ASPHD1: variants seen among roughly 807,000 people sequenced by gnomAD.
ASPHD1 encodes the protein aspartate beta-hydroxylase domain containing 1, also known as aspartate beta-hydroxylase domain-containing protein 1.
Under a neutral mutation model 28.3 loss-of-function variants are expected in ASPHD1, and 20 were observed. The ratio of observed to expected loss-of-function variants is 0.71; its 90% CI spans 0.50 to 1.03. The LOEUF (loss-of-function observed/expected upper bound fraction) is 1.03, where lower values mean the gene tolerates loss of function less well. Among genes scored for constraint, ASPHD1 ranks in the 50% least tolerant of loss-of-function variants. The pLI is 0.00. For synonymous variants in ASPHD1, 240 were observed against 221.2 expected (o/e 1.08, Z -0.75); for missense variants, 479 against 524.1 (o/e 0.91, Z 0.84).
chr16:29,901,334 A>G lies in ASPHD1; in HGVS notation c.363A>G (p.Gly121=). 6.2e-7 allele frequency: 1 copy of G among 1,606,228 alleles called. No homozygotes were observed. The highest frequency in any genetic ancestry group is 1.1e-5 in the South Asian group (1 of 90,572). Reference sequence around the variant, plus strand: ...GGGGTGTTCGTGGTGGGCCTGTGGGATGCTCGGAGGCCGGCGGGCCAAGCC... The same window carrying G: ...GGGGTGTTCGTGGTGGGCCTGTGGGGTGCTCGGAGGCCGGCGGGCCAAGCC... ...RAGGVRGGPV[G]CSEAGGPSPG... is the part of the protein sequence containing the mutation. Residue 121 remains glycine (G), a synonymous_variant, in exon 1 of 3, where the codon GGA becomes GGG. Transcript: ENST00000308748. The surrounding 1 kb of genome is among the most constrained non-coding windows in gnomAD (Gnocchi z 5.1).
intron 3 of ASPHD1, chr16:29,911,705 C>T (rs1192480068): frequency 2.8e-5 from 33 of 1,179,502 alleles, no homozygotes; most frequent in Admixed American, 2.0e-4. Context: ...TGCGAGCAGG[C>T]ACAGATGTTC....
In ASPHD1 at chr16:29,901,364, G is replaced by C; in HGVS notation, c.393G>C (p.Gly131=). 2.5e-6 allele frequency: 4 copies of C among 1,594,972 alleles called. No homozygotes were observed. The highest frequency in any genetic ancestry group is 1.7e-4 in the Middle Eastern group (1 of 5,922). The change falls in exon 1 of 3, where the codon GGG becomes GGC. Residue 131 remains glycine (G), a synonymous_variant. Transcript: ENST00000308748. The surrounding 1 kb of genome is among the most constrained non-coding windows in gnomAD (Gnocchi z 5.1). ...GCSEAGGPSP[G]GPGDPGEGPR... is the part of the protein sequence containing the mutation. The stretch of plus-strand genomic sequence containing the variant: ...CGGAGGCCGGCGGGCCAAGCCCAGG[G>C]GGTCCTGGGGATCCCGGGGAAGGAC...
Position 29,901,674 on chromosome 16 carries a change from AC to A in ASPHD1, c.707del (p.Pro236LeufsTer40). ...GAVSWDFSGT[T>X]PPPRGWSPPL... ...TGTGAGCTGGGACTTCTCAGGGACT[AC>A]CCCTCCGCCTCGGGGCTGGTCCCCA... On this transcript the variant is annotated frameshift_variant, in exon 1 of 3. Transcript: ENST00000308748. LOFTEE classifies it high-confidence loss of function. The surrounding 1 kb of genome is among the most constrained non-coding windows in gnomAD (Gnocchi z 5.1). The A allele has an allele frequency of 1.3e-6, 2 of 1,582,456 alleles. No individual in the cohort carries two copies. Among genetic ancestry groups the A allele is most frequent in the South Asian group, 1.1e-5 (1 of 87,680 alleles).
chr16:29,913,666 G>A (rs1185023370), intron 3 of ASPHD1: 1 of 152,238 alleles, frequency 6.6e-6, no homozygotes, highest in Non-Finnish European at 1.5e-5. Flanking sequence ...GATGCACTCT[G>A]AGAAAGCTTG....
chr16:29,910,892 C>T (rs954195155), downstream of ASPHD1: 4 of 1,292,288 alleles, frequency 3.1e-6, no homozygotes, highest in African/African-American at 4.4e-5. Flanking sequence ...TGGTGGTGGG[C>T]TCCTTCCCCT....
chr16:29,904,612 CA>C (rs1243404965), intron 1 of ASPHD1, among the ~76,000 whole-genome samples: 10,167 of 66,546 alleles, frequency 0.15, 1,168 homozygotes, highest in African/African-American at 0.39. Flanking sequence ...GACTTTGTCT[CA>C]AAAAAAAAAA....
chr16:29,910,757 G>A (rs2150834270), downstream of ASPHD1, among the ~76,000 whole-genome samples: 1 of 152,264 alleles, frequency 6.6e-6, no homozygotes, highest in South Asian at 2.1e-4. Flanking sequence ...CCATCCAACA[G>A]GCCTAGGCTA....
chr16:29,917,252 C>T (rs1005749647), intron 3 of ASPHD1, among the ~76,000 whole-genome samples: 5 of 152,266 alleles, frequency 3.3e-5, no homozygotes, highest in African/African-American at 9.6e-5. Context: ...AAAACTACCT[C>T]ACCCTATGGA....
chr16:29,901,825 A>G lies in ASPHD1; in HGVS notation c.854A>G (p.Asn285Ser). 6.4e-7 allele frequency: 1 copy of G among 1,556,356 alleles called. No homozygotes were observed. Among genetic ancestry groups the G allele is most frequent in the Non-Finnish European group, 8.7e-7 (1 of 1,152,726 alleles). ...GGGCTTCGAAGCTTTATGAGTGCCA[A>G]CACCTTCGGCAATGCCGGCTTTTCC... The part of the protein sequence containing the change: ...LRGLRSFMSA[N>S]TFGNAGFSVL... Residue 285 changes from asparagine to serine, a missense_variant, in exon 1 of 3, where the codon AAC (asparagine) becomes AGC (serine). By Grantham distance (46) the Asn-to-Ser change is conservative. Coordinates refer to ENST00000308748, the MANE Select transcript of ASPHD1 (RefSeq NM_181718.4). The surrounding 1 kb of genome is among the most constrained non-coding windows in gnomAD (Gnocchi z 5.1).
downstream of ASPHD1, chr16:29,906,763 G>A (rs557468106): frequency 9.8e-4 from 869 of 882,596 alleles, 1 homozygote; most frequent in Non-Finnish European, 1.4e-3. Flanking sequence ...AGGGACAGAG[G>A]AGGACCCACG....
chr16:29,911,787 G>A (rs1378854133), intron 3 of ASPHD1: 12 of 1,610,804 alleles, frequency 7.4e-6, no homozygotes, highest in African/African-American at 6.7e-5. Context: ...CCAGGGTCCC[G>A]CCCAGTGCCC....
downstream of ASPHD1, among the ~76,000 whole-genome samples, chr16:29,909,889 G>C (rs2068675526): frequency 6.6e-6 from 1 of 151,718 alleles, no homozygotes; most frequent in Non-Finnish European, 1.5e-5. Context: ...GACCAACATG[G>C]CGAAGTCTCT....
At chr16:29,905,766 G>C in intron 2 of ASPHD1, 22 bp from the exon 3 acceptor site, 1 of 1,590,538 alleles carries the variant, frequency 6.3e-7, no homozygotes, top group Non-Finnish European at 8.6e-7. Context: ...TGGCTCTGCT[G>C]TTCCTGTCCC....
At position 29,900,854 on chromosome 16, in the gene ASPHD1, G is replaced by A; in HGVS notation, c.-118G>A. ...GGTGGGAGAGAGAAGCAGAGCGAGAGAGAGGAGGCTGCTGGAAGGAGAAAG... is the reference window on the plus strand; with the variant it reads ...GGTGGGAGAGAGAAGCAGAGCGAGAAAGAGGAGGCTGCTGGAAGGAGAAAG... On this transcript the variant is annotated 5_prime_UTR_variant, in exon 1 of 3. Coordinates refer to ENST00000308748, the MANE Select transcript of ASPHD1 (RefSeq NM_181718.4). 1.1e-6 allele frequency: 1 copy of A among 883,982 alleles called. No individual in the cohort carries two copies. Among genetic ancestry groups the A allele is most frequent in the Non-Finnish European group, 1.7e-6 (1 of 571,870 alleles). 54.8% of individuals were successfully genotyped at this position (883,982 alleles called of 1,614,324 possible).
rs551055147 is a variant in ASPHD1, at chr16:29,915,606, A to C, written c.*63-3925A>C. On this transcript the variant is annotated intron_variant and NMD_transcript_variant, in intron 3 of 3. Transcript: ENST00000414952. Reference sequence around the variant, plus strand: ...GGAGGAGGTTGCAGTGAGCTATCTCAAAAAAAAAAAAAAGAAAAGAAAAAG... The same window carrying C: ...GGAGGAGGTTGCAGTGAGCTATCTCCAAAAAAAAAAAAAGAAAAGAAAAAG... 1.6e-3 allele frequency among the ~76,000 whole-genome samples: 222 copies of C among 140,268 alleles called. 3 individuals carry two copies. Among genetic ancestry groups the C allele is most frequent in the Admixed American group, 0.015 (205 of 14,018 alleles). The allele number at this position is 140,268 out of a possible 152,430, so 92.0% of individuals were successfully genotyped here.
At chr16:29,914,199 G>C (rs1341966492) in intron 3 of ASPHD1, 1 of 152,122 alleles carries the variant, frequency 6.6e-6, no homozygotes, top group African/African-American at 2.4e-5. Flanking sequence ...ACACAGGAAC[G>C]AGCACCAGGG....
At chr16:29,906,504 CG>C (rs1567437602), downstream of ASPHD1, 5 of 474,476 alleles carry the variant, frequency 1.1e-5, no homozygotes, top group Admixed American at 2.3e-5. Flanking sequence ...CTGCAGGACG[CG>C]GGAGGCTGCT....
At position 29,905,879 on chromosome 16, in the gene ASPHD1, C is replaced by G; in HGVS notation, c.1155C>G (p.Val385=). The change falls in exon 3 of 3, where the codon GTC becomes GTG. Residue 385 remains valine, a synonymous_variant. Coordinates refer to ENST00000308748, the MANE Select transcript of ASPHD1 (RefSeq NM_181718.4). Reference sequence around the variant, plus strand: ...CTGAGCGCCAGGCCCTCGACTTTGTCTTCGCCCCAGACCCTTGAAGGAAGG... The same window carrying G: ...CTGAGCGCCAGGCCCTCGACTTTGTGTTCGCCCCAGACCCTTGAAGGAAGG... The part of the protein sequence containing the change: ...AGAERQALDF[V]FAPDP 1 of 1,613,202 alleles carries G rather than the reference C, an allele frequency of 6.2e-7. No individual in the cohort carries two copies. The highest frequency in any genetic ancestry group is 8.5e-7 in the Non-Finnish European group (1 of 1,179,530).
chr16:29,918,847 A>G (rs964316591), intron 3 of ASPHD1, among the ~76,000 whole-genome samples: 1 of 151,996 alleles, frequency 6.6e-6, no homozygotes, highest in Non-Finnish European at 1.5e-5. Flanking sequence ...TTTAGTAGAT[A>G]CAGGGTTTCA....
Sources: gnomAD v4.1 joint callset for allele counts (sites outside exome capture counted in the v4.1 genomes callset) on GRCh38, gnomAD v4.1.1 for gene constraint, Gnocchi (gnomAD v3.1) non-coding constraint, MANE v1.5 for transcripts, NCBI Gene and HGNC (gene_info 2026-07-23, HGNC 2026-07-21) for gene names.